The following NYAP2 variants were observed in gnomAD, a reference collection of about 807,000 sequenced individuals.
NYAP2 encodes the protein neuronal tyrosine-phosphorylated phosphoinositide-3-kinase adaptor 2.
A neutral mutation model predicts 50.4 loss-of-function variants in NYAP2; 23 were observed. That is an observed-to-expected ratio of 0.46 (90% confidence interval 0.33 to 0.65). NYAP2 has a LOEUF of 0.65. NYAP2 is among the 30% of genes least tolerant of loss of function. The probability of loss-of-function intolerance (pLI) is 0.02; values close to 1 mark genes in which losing one functional copy is unlikely to be tolerated. For synonymous variants in NYAP2, 394 were observed against 365.2 expected, an observed-to-expected ratio of 1.08 and a Z score of -0.90; for missense variants, 885 against 861.0, an observed-to-expected ratio of 1.03 and a Z score of -0.35.
chr2:225,561,695 T>A (rs978022752), intron 4 of NYAP2, among the ~76,000 whole-genome samples: 3 of 152,116 alleles, frequency 2.0e-5, no homozygotes, highest in African/African-American at 7.2e-5. Flanking sequence ...AGGCTTTAGC[T>A]GGAGCCCAAG....
intron 4 of NYAP2, among the ~76,000 whole-genome samples, chr2:225,540,034 C>T (rs1044218006): frequency 3.3e-5 from 5 of 152,178 alleles, no homozygotes; most frequent in African/African-American, 1.2e-4. Flanking sequence ...CACTTTTGCT[C>T]CAGTTCCCAA....
chr2:225,643,314 A>G, intron 6 of NYAP2, among the ~76,000 whole-genome samples: 1 of 152,094 alleles, frequency 6.6e-6, no homozygotes, highest in East Asian at 1.9e-4. Context: ...TTTTGAAAGG[A>G]TTTCCCATGT....
At chr2:225,617,618 A>G (rs1285277807) in intron 5 of NYAP2, among the ~76,000 whole-genome samples, 1 of 152,244 alleles carries the variant, frequency 6.6e-6, no homozygotes, top group South Asian at 2.1e-4. Flanking sequence ...GTGACTGTTC[A>G]TATTTCCAAA....
intron 4 of NYAP2, among the ~76,000 whole-genome samples, chr2:225,534,707 G>A (rs1273487937): frequency 6.6e-6 from 1 of 152,190 alleles, no homozygotes; most frequent in Admixed American, 6.5e-5. Flanking sequence ...ATAGTAATTG[G>A]AACAGGAAAA....
intron 5 of NYAP2, among the ~76,000 whole-genome samples, chr2:225,620,421 GCACA>G (rs1559231990): frequency 1.1e-3 from 32 of 29,472 alleles, no homozygotes; most frequent in African/African-American, 2.6e-3. Flanking sequence ...ACACATGCAC[GCACA>G]CGCACGCACA....
At chr2:225,401,553 A>G (rs879689023) in intron 2 of NYAP2, among the ~76,000 whole-genome samples, 9 of 152,068 alleles carry the variant, frequency 5.9e-5, no homozygotes, top group Admixed American at 2.0e-4. Flanking sequence ...CTGATTAGAC[A>G]TAAACCTCTT....
chr2:225,616,727 G>T (rs1001510601), intron 5 of NYAP2, among the ~76,000 whole-genome samples: 7 of 152,052 alleles, frequency 4.6e-5, no homozygotes, highest in Non-Finnish European at 8.8e-5. Context: ...CCTCCGAGAG[G>T]CAGGACAACC....
intron 3 of NYAP2, among the ~76,000 whole-genome samples, chr2:225,437,212 A>C (rs533932870): frequency 1.3e-4 from 20 of 152,262 alleles, no homozygotes; most frequent in African/African-American, 4.6e-4. Flanking sequence ...GCACGGGCAC[A>C]TCACAGGTAG....
Position 225,582,931 on chromosome 2 carries a change from G to A in NYAP2, c.1514G>A (p.Arg505Gln), listed in dbSNP as rs757658935. The change falls in exon 5 of 7, where the codon CGG (arginine) becomes CAG (glutamine). Residue 505 changes from arginine (R) to glutamine (Q), a missense_variant. Coordinates refer to ENST00000636099, the Ensembl canonical transcript of NYAP2. The surrounding 1 kb of genome is among the most constrained non-coding windows in gnomAD (Gnocchi z 7.0). Reference sequence around the variant, plus strand: ...GCAGCCCCGGGTGGCTCCCGGTCCCGGACACCCACGAGCCCGCTGGAGGAG... The same window carrying A: ...GCAGCCCCGGGTGGCTCCCGGTCCCAGACACCCACGAGCCCGCTGGAGGAG... The A allele has an allele frequency of 1.3e-5, 21 of 1,612,640 alleles. No homozygotes were observed. In the East Asian group the frequency reaches 3.8e-4, roughly 29 times the overall value.
intron 5 of NYAP2, among the ~76,000 whole-genome samples, chr2:225,594,341 T>C (rs965806108): frequency 7.9e-5 from 12 of 152,012 alleles, no homozygotes; most frequent in African/African-American, 2.9e-4. Flanking sequence ...CTGGCCAACG[T>C]GGTGAAACCC....
chr2:225,539,065 A>T (rs1691409685), intron 4 of NYAP2, among the ~76,000 whole-genome samples: 1 of 151,952 alleles, frequency 6.6e-6, no homozygotes, highest in Non-Finnish European at 1.5e-5. Flanking sequence ...CTCATTGTTC[A>T]ATTCCCACTT....
chr2:225,440,563 A>G (rs1034977374), intron 3 of NYAP2, among the ~76,000 whole-genome samples: 4 of 152,184 alleles, frequency 2.6e-5, no homozygotes, highest in African/African-American at 9.7e-5. Flanking sequence ...AATGTAAAAC[A>G]TGGGTTAGAG....
intron 3 of NYAP2, among the ~76,000 whole-genome samples, chr2:225,478,639 C>T (rs977350709): frequency 2.6e-5 from 4 of 151,940 alleles, no homozygotes; most frequent in Admixed American, 6.6e-5. Context: ...TTCTTGGCAA[C>T]GTGACCTTAA....
intron 3 of NYAP2, among the ~76,000 whole-genome samples, chr2:225,411,290 T>G (rs1025364919): frequency 2.6e-5 from 4 of 152,048 alleles, no homozygotes; most frequent in African/African-American, 9.7e-5. Flanking sequence ...TAATTAGAGG[T>G]GGCCCTCAGG....
At chr2:225,702,634 A>G in the NYAP2 span, 15 of 151,684 alleles carry the variant, frequency 9.9e-5, no homozygotes, top group African/African-American at 3.4e-4. Context: ...GTCTATGTAA[A>G]TCATTAAAAG....
intron 4 of NYAP2, among the ~76,000 whole-genome samples, chr2:225,580,779 G>A (rs1338046900): frequency 6.6e-6 from 1 of 151,190 alleles, no homozygotes; most frequent in Non-Finnish European, 1.5e-5. Context: ...AAAAAAAAAA[G>A]GAAGACTCAG....
chr2:225,450,108 T>C (rs547118129), intron 3 of NYAP2, among the ~76,000 whole-genome samples: 1 of 152,290 alleles, frequency 6.6e-6, no homozygotes, highest in East Asian at 1.9e-4. Flanking sequence ...AGAAAACAGA[T>C]GCCATAGACA....
At chr2:225,641,457 AC>A (rs1693531540) in intron 6 of NYAP2, among the ~76,000 whole-genome samples, 1 of 148,092 alleles carries the variant, frequency 6.8e-6, no homozygotes, top group Non-Finnish European at 1.5e-5. Flanking sequence ...ACACACACAC[AC>A]ACACACACAC....
chr2:225,419,801 T>G, intron 3 of NYAP2, among the ~76,000 whole-genome samples: 1 of 152,190 alleles, frequency 6.6e-6, no homozygotes, highest in East Asian at 1.9e-4. Flanking sequence ...CATGGCACCA[T>G]GTCTACAAAG....
Sources: gnomAD v4.1 joint callset for allele counts (sites outside exome capture counted in the v4.1 genomes callset) on GRCh38, gnomAD v4.1.1 for gene constraint, Gnocchi (gnomAD v3.1) non-coding constraint, MANE v1.5 for transcripts, NCBI Gene and HGNC (gene_info 2026-07-23, HGNC 2026-07-21) for gene names.